METTL25: variants seen among roughly 807,000 people sequenced by gnomAD.
The protein encoded by METTL25 is probable methyltransferase-like protein 25.
Under a neutral mutation model 71.6 loss-of-function variants are expected in METTL25, and 64 were observed. The observed-to-expected ratio is 0.89, with a 90% CI of 0.73 to 1.10. The LOEUF (loss-of-function observed/expected upper bound fraction) is 1.10, where lower values mean the gene tolerates loss of function less well. Ranked by LOEUF, METTL25 falls within the 50% of genes least tolerant of loss-of-function variation. The pLI is 0.00. For synonymous variants in METTL25, 287 were observed against 250.3 expected, an observed-to-expected ratio of 1.15 and a Z score of -1.38; for missense variants, 807 against 707.0, an observed-to-expected ratio of 1.14 and a Z score of -1.60.
At chr12:82,365,832 C>T (rs1396731604) in intron 1 of METTL25, among the ~76,000 whole-genome samples, 4 of 152,148 alleles carry the variant, frequency 2.6e-5, no homozygotes, top group Admixed American at 2.6e-4. Flanking sequence ...CCTGCAATCC[C>T]AGCACTTTGG....
intron 8 of METTL25, among the ~76,000 whole-genome samples, chr12:82,443,764 G>A (rs1473754187): frequency 6.6e-6 from 1 of 152,074 alleles, no homozygotes; most frequent in Non-Finnish European, 1.5e-5. Flanking sequence ...AAAACAGAGG[G>A]GAGGTGCCAA....
intron 5 of METTL25, among the ~76,000 whole-genome samples, chr12:82,419,584 A>G (rs1214307817): frequency 6.6e-6 from 1 of 152,014 alleles, no homozygotes; most frequent in Admixed American, 6.6e-5. Context: ...GAAGATGTAC[A>G]GATAGCTAAC....
chr12:82,405,280 C>T (rs1033795192), intron 5 of METTL25, among the ~76,000 whole-genome samples: 6 of 152,176 alleles, frequency 3.9e-5, no homozygotes, highest in African/African-American at 1.4e-4. Flanking sequence ...AGAGTGATCC[C>T]CAGAGCTCAT....
intron 8 of METTL25, 45 bp downstream of exon 8, chr12:82,438,836 A>G: frequency 2.1e-6 from 3 of 1,451,266 alleles, no homozygotes; most frequent in Non-Finnish European, 2.8e-6. Context: ...TTATATTGTA[A>G]GTAAAGTGAC....
intron 8 of METTL25, among the ~76,000 whole-genome samples, chr12:82,456,033 T>G (rs1468224870): frequency 6.6e-6 from 1 of 151,936 alleles, no homozygotes; most frequent in African/African-American, 2.4e-5. Flanking sequence ...GATAGAATGT[T>G]ATGTCTAATT....
intron 9 of METTL25, among the ~76,000 whole-genome samples, chr12:82,465,363 T>A (rs1408199798): frequency 6.6e-6 from 1 of 151,942 alleles, no homozygotes; most frequent in Admixed American, 6.6e-5. Context: ...TGAGATAATA[T>A]TATAGTTTTT....
At chr12:82,478,484 C>T (rs1174485608) in intron 11 of METTL25, among the ~76,000 whole-genome samples, 1 of 151,526 alleles carries the variant, frequency 6.6e-6, no homozygotes, top group African/African-American at 2.4e-5. Context: ...AGGAATCTCT[C>T]AAATATATAT....
chr12:82,394,509 A>C (rs1382357636), intron 3 of METTL25, among the ~76,000 whole-genome samples: 1 of 151,976 alleles, frequency 6.6e-6, no homozygotes, highest in East Asian at 1.9e-4. Flanking sequence ...TTATCTCTAA[A>C]ACATGTTCAC....
intron 3 of METTL25, among the ~76,000 whole-genome samples, chr12:82,396,556 A>G (rs1356028794): frequency 2.0e-5 from 3 of 152,054 alleles, no homozygotes; most frequent in Non-Finnish European, 4.4e-5. Flanking sequence ...GTATTTCCAT[A>G]GTTCTCCATT....
chr12:82,372,198 C>T (rs1883314055), intron 1 of METTL25, among the ~76,000 whole-genome samples: 1 of 152,192 alleles, frequency 6.6e-6, no homozygotes, highest in Non-Finnish European at 1.5e-5. Context: ...CATCTGAATG[C>T]TTCCCCAGGT....
chr12:82,399,418 A>G, intron 4 of METTL25, 24 bp downstream of exon 4: 2 of 1,503,728 alleles, frequency 1.3e-6, no homozygotes, highest in African/African-American at 1.4e-5. Context: ...TGAATTATTT[A>G]ATTTGATTTA....
intron 5 of METTL25, among the ~76,000 whole-genome samples, chr12:82,406,078 A>T (rs559086880): frequency 4.6e-5 from 7 of 152,292 alleles, no homozygotes; most frequent in African/African-American, 1.7e-4. Flanking sequence ...GTCAATAGTT[A>T]TGGAAAGAGA....
intron 8 of METTL25, among the ~76,000 whole-genome samples, chr12:82,440,473 G>T (rs527656817): frequency 6.6e-6 from 1 of 151,944 alleles, no homozygotes; most frequent in Non-Finnish European, 1.5e-5. Context: ...TGACATGACC[G>T]TTATCAAACA....
intron 6 of METTL25, among the ~76,000 whole-genome samples, chr12:82,433,174 T>C (rs1012337589): frequency 6.6e-6 from 1 of 151,694 alleles, no homozygotes; most frequent in Non-Finnish European, 1.5e-5. Context: ...ATTAAGCTTA[T>C]CAGCAACACA....
intron 3 of METTL25, among the ~76,000 whole-genome samples, chr12:82,392,823 A>T (rs943480344): frequency 4.6e-5 from 7 of 151,974 alleles, no homozygotes; most frequent in African/African-American, 1.7e-4. Flanking sequence ...ATGGTGAGAG[A>T]TAGGGGTCTA....
chr12:82,417,415 A>T (rs192972509), intron 5 of METTL25, among the ~76,000 whole-genome samples: 2 of 152,286 alleles, frequency 1.3e-5, no homozygotes, highest in Admixed American at 1.3e-4. Context: ...ATATATTCAC[A>T]TTATAAAATG....
Position 82,387,066 on chromosome 12 carries a change from G to T in METTL25, c.424+99G>T, listed in dbSNP as rs1049014021. ...CTTTCCAAAATATTATTAATTTATT[G>T]TTAGACCTTAATATATAAGCCCTGA... is the stretch of plus-strand genomic sequence containing the variant. On this transcript the variant is annotated intron_variant, in intron 2 of 11. Transcript: ENST00000248306. 21 of 983,642 alleles carry T rather than the reference G, an allele frequency of 2.1e-5. No individual in the cohort carries two copies. The South Asian group carries it at 3.8e-4, about 18-fold the overall frequency. The allele number at this position is 983,642 out of a possible 1,614,324, so 60.9% of individuals were successfully genotyped here.
intron 5 of METTL25, among the ~76,000 whole-genome samples, chr12:82,418,167 G>A (rs1888151559): frequency 6.6e-6 from 1 of 152,064 alleles, no homozygotes; most frequent in African/African-American, 2.4e-5. Flanking sequence ...AAAGAGAAAA[G>A]CAAAGTATAT....
chr12:82,477,249 A>G, intron 10 of METTL25, 32 bp from the exon 11 acceptor site: 1 of 1,033,322 alleles, frequency 9.7e-7, no homozygotes, highest in South Asian at 1.7e-5. Context: ...TTTAAGTACC[A>G]CCAACCTACC....
Sources: gnomAD v4.1 joint callset for allele counts (sites outside exome capture counted in the v4.1 genomes callset) on GRCh38, gnomAD v4.1.1 for gene constraint, MANE v1.5 for transcripts, NCBI Gene and HGNC (gene_info 2026-07-23, HGNC 2026-07-21) for gene names.